The following CAP2 variants were observed in gnomAD, a reference collection of about 807,000 sequenced individuals.
The protein encoded by CAP2 is cyclase associated actin cytoskeleton regulatory protein 2.
In CAP2, 24 loss-of-function variants were observed where a neutral mutation model predicts 57.7. The ratio of observed to expected loss-of-function variants is 0.42; its 90% CI spans 0.30 to 0.58. The LOEUF (loss-of-function observed/expected upper bound fraction) is 0.58. Among genes scored for constraint, CAP2 ranks in the 20% least tolerant of loss-of-function variants. CAP2 has a pLI of 0.22. For synonymous variants in CAP2, 194 were observed against 207.2 expected, an observed-to-expected ratio of 0.94 and a Z score of 0.55; for missense variants, 501 against 590.3, an observed-to-expected ratio of 0.85 and a Z score of 1.57.
chr6:17,537,536 T>C (rs949688166), intron 7 of CAP2, among the ~76,000 whole-genome samples: 1 of 152,178 alleles, frequency 6.6e-6, no homozygotes, highest in Non-Finnish European at 1.5e-5. Flanking sequence ...TGAAAACTAC[T>C]ACAGATTAAG....
chr6:17,485,105 A>C (rs1385258706), intron 4 of CAP2, among the ~76,000 whole-genome samples: 1 of 152,104 alleles, frequency 6.6e-6, no homozygotes, highest in Non-Finnish European at 1.5e-5. Flanking sequence ...GATAAGTAGA[A>C]TAGCAAATAG....
rs547196786 is a variant in CAP2, at chr6:17,439,042, C to T, written c.222+12352C>T. 1.5e-4 allele frequency among the ~76,000 whole-genome samples: 22 copies of T among 150,480 alleles called. 1 individual carries two copies. The highest frequency in any genetic ancestry group is 1.1e-3 in the Admixed American group (17 of 15,168). On this transcript the variant is annotated intron_variant, in intron 3 of 12. Transcript: ENST00000229922. ...AGGAGAATCGCTTGAACCCAGGAGC[C>T]GGAGGTTGCAATGAATCAAGATTGT...
chr6:17,500,340 A>ATATAT (rs1761774829), intron 4 of CAP2, among the ~76,000 whole-genome samples: 3 of 33,024 alleles, frequency 9.1e-5, no homozygotes, highest in Non-Finnish European at 2.0e-4. Context: ...TGTGTGTCCA[A>ATATAT]ATATATATAT....
chr6:17,444,674 G>T (rs9383284), intron 3 of CAP2, among the ~76,000 whole-genome samples: 78,453 of 146,604 alleles, frequency 0.54, 21,345 homozygotes, highest in East Asian at 0.83. Flanking sequence ...CATGGCCCAG[G>T]TTTTAAGTCA....
chr6:17,456,691 G>T (rs1463627538), intron 3 of CAP2, among the ~76,000 whole-genome samples: 1 of 152,246 alleles, frequency 6.6e-6, no homozygotes, highest in African/African-American at 2.4e-5. Context: ...AGGAAGAGGG[G>T]CCCCTTCCCT....
At chr6:17,442,987 G>T (rs1186979888) in intron 3 of CAP2, among the ~76,000 whole-genome samples, 2 of 151,968 alleles carry the variant, frequency 1.3e-5, no homozygotes, top group African/African-American at 4.8e-5. Flanking sequence ...AAAGTGCTGG[G>T]ATTACAGGCA....
Position 17,540,560 on chromosome 6 carries a change from T to C in CAP2, c.827-413T>C, listed in dbSNP as rs183678018. Among the ~76,000 whole-genome samples, 75 of 151,948 alleles carry C rather than the reference T, an allele frequency of 4.9e-4. 1 individual carries two copies. Among genetic ancestry groups the C allele is most frequent in the African/African-American group, 1.7e-3 (69 of 41,396 alleles). On this transcript the variant is annotated intron_variant, in intron 8 of 12. Transcript: ENST00000229922. ...GAGGTCAGGAGTTCAAAGACCAGCG[T>C]GGCCAACATGGTGAAACCCCATCTC...
rs1184759124 is a variant in CAP2 at position 17,539,323 on chromosome 6, C to T, written c.691C>T (p.Leu231Phe). 6.2e-7 allele frequency: 1 copy of T among 1,614,078 alleles called. No individual in the cohort carries two copies. The change falls in exon 8 of 13, where the codon CTT becomes TTT. Residue 231 changes from leucine to phenylalanine, a missense_variant. Transcript: ENST00000229922. ...TTCTGTCCTCTCCTCTGGGCCTGGC[C>T]TTCCTCCACCCCCTCCTCCTCTGCC... ...AFSVLSSGPG[L>F]PPPPPPLPPP...
intron 4 of CAP2, among the ~76,000 whole-genome samples, chr6:17,480,770 T>TG (rs1432866900): frequency 2.8e-5 from 4 of 143,918 alleles, no homozygotes; most frequent in South Asian, 2.1e-4. Context: ...TGTGGTTTTT[T>TG]TGGTTTTTTT....
intron 4 of CAP2, among the ~76,000 whole-genome samples, chr6:17,463,983 T>C (rs1287497248): frequency 6.6e-6 from 1 of 152,218 alleles, no homozygotes; most frequent in Non-Finnish European, 1.5e-5. Context: ...TGAGAACAGA[T>C]GTTAAGAGCA....
At chr6:17,452,293 C>T (rs1356410290) in intron 3 of CAP2, among the ~76,000 whole-genome samples, 1 of 152,230 alleles carries the variant, frequency 6.6e-6, no homozygotes, top group Non-Finnish European at 1.5e-5. Flanking sequence ...CTTAACTCTT[C>T]GCGTTAGACT....
In CAP2 at chr6:17,529,651, AAT is replaced by A. The variant is rs1554129488; in HGVS notation, c.637-9599_637-9598del. On this transcript the variant is annotated intron_variant, in intron 7 of 12. Coordinates refer to ENST00000229922, the MANE Select transcript of CAP2 (RefSeq NM_006366.3). ...GCAAGACTCCGTCTCAAAAAAAAAA[AAT>A]ATATATATATATATATATGTATAAA... 4.0e-4 allele frequency among the ~76,000 whole-genome samples: 54 copies of A among 134,498 alleles called. 1 individual carries two copies. Among genetic ancestry groups the A allele is most frequent in the South Asian group, 9.4e-4 (4 of 4,242 alleles). 88.2% of individuals were successfully genotyped at this position (134,498 alleles called of 152,430 possible). A position where few individuals can be genotyped will look rare whatever the true frequency, so the allele number is the denominator to read the frequency against.
chr6:17,492,226 ACTT>A (rs1188036065), intron 4 of CAP2, among the ~76,000 whole-genome samples: 2 of 152,130 alleles, frequency 1.3e-5, no homozygotes, highest in Non-Finnish European at 2.9e-5. Flanking sequence ...AAATTTCCCA[ACTT>A]CTTGTGATGT....
chr6:17,436,082 T>TTCC (rs1561782653), intron 3 of CAP2, among the ~76,000 whole-genome samples: 1 of 77,452 alleles, frequency 1.3e-5, no homozygotes, highest in African/African-American at 5.2e-5. Context: ...TCTTTCTTTC[T>TTCC]TTCTTTCCTT....
intron 3 of CAP2, among the ~76,000 whole-genome samples, chr6:17,458,884 A>G (rs893227777): frequency 7.2e-6 from 1 of 138,764 alleles, no homozygotes; most frequent in African/African-American, 3.1e-5. Context: ...CCCACAAAGG[A>G]GCAAAAAAAA....
intron 4 of CAP2, among the ~76,000 whole-genome samples, chr6:17,469,239 G>T (rs1015569508): frequency 1.3e-5 from 2 of 152,250 alleles, no homozygotes; most frequent in African/African-American, 4.8e-5. Flanking sequence ...GTCTAACCCT[G>T]AGTAGTTTGC....
chr6:17,396,207 A>C (rs1483125067), intron 1 of CAP2, among the ~76,000 whole-genome samples: 1 of 152,222 alleles, frequency 6.6e-6, no homozygotes, highest in Non-Finnish European at 1.5e-5. Flanking sequence ...ACCGATGGGA[A>C]TATAAGATGG....
intron 2 of CAP2, among the ~76,000 whole-genome samples, chr6:17,421,912 T>C (rs1759458555): frequency 6.6e-6 from 1 of 152,254 alleles, no homozygotes; most frequent in Non-Finnish European, 1.5e-5. Context: ...AGACAGGGTC[T>C]CGCTCTATCA....
chr6:17,438,073 T>C (rs1003887385), intron 3 of CAP2, among the ~76,000 whole-genome samples: 11 of 146,820 alleles, frequency 7.5e-5, no homozygotes, highest in Non-Finnish European at 1.6e-4. Flanking sequence ...TATGACTAGA[T>C]TATAACATTG....
Sources: gnomAD v4.1 joint callset for allele counts (sites outside exome capture counted in the v4.1 genomes callset) on GRCh38, gnomAD v4.1.1 for gene constraint, MANE v1.5 for transcripts, NCBI Gene and HGNC (gene_info 2026-07-23, HGNC 2026-07-21) for gene names.